The following DOCK5 variants were observed in gnomAD, a reference collection of about 807,000 sequenced individuals.
DOCK5 encodes the protein dedicator of cytokinesis 5.
DOCK5 carries 142 observed loss-of-function variants against 251.8 expected under a neutral mutation model. That is an observed-to-expected ratio of 0.56 (90% CI 0.49 to 0.65). The LOEUF (loss-of-function observed/expected upper bound fraction) is 0.65, where lower values mean the gene tolerates loss of function less well. DOCK5 is among the 30% of genes least tolerant of loss of function. DOCK5 has a pLI of 0.00. For synonymous variants in DOCK5, 842 were observed against 835.5 expected (o/e 1.01, Z -0.13); for missense variants, 2,111 against 2,312.3 (o/e 0.91, Z 1.79).
chr8:25,320,851 C>G (rs1335263872), intron 15 of DOCK5, 129 bp from the exon 16 acceptor site: 2 of 735,574 alleles, frequency 2.7e-6, no homozygotes, highest in Non-Finnish European at 4.5e-6. Context: ...TGAATGAAAC[C>G]TATACCAAAT....
rs570705289 is a variant in DOCK5, at chr8:25,318,432, CT to C, written c.1444-1137del. 3.9e-3 allele frequency among the ~76,000 whole-genome samples: 584 copies of C among 150,586 alleles called. 3 individuals are homozygous for C. Among genetic ancestry groups the C allele is most frequent in the African/African-American group, 0.013 (551 of 41,072 alleles). ...TTTACTTTCTTCTTTCTTTTCTTTTCTTTTTTTTTCTCTGTCTTTCCGCTCC... is the reference window on the plus strand; with the variant it reads ...TTTACTTTCTTCTTTCTTTTCTTTTCTTTTTTTTCTCTGTCTTTCCGCTCC... On this transcript the variant is annotated intron_variant, in intron 14 of 51. Coordinates refer to ENST00000276440, the MANE Select transcript of DOCK5 (RefSeq NM_024940.8).
At chr8:25,355,734 G>A (rs1389824941) in intron 27 of DOCK5, among the ~76,000 whole-genome samples, 1 of 152,092 alleles carries the variant, frequency 6.6e-6, no homozygotes, top group Non-Finnish European at 1.5e-5. Context: ...ACAGGCATGA[G>A]CCACTGCACC....
intron 10 of DOCK5, among the ~76,000 whole-genome samples, chr8:25,303,409 T>C (rs1804819071): frequency 6.6e-6 from 1 of 152,196 alleles, no homozygotes; most frequent in South Asian, 2.1e-4. Flanking sequence ...CTAGGAAATT[T>C]ACTCTTCGAA....
chr8:25,233,888 C>T (rs1326458674), intron 1 of DOCK5, among the ~76,000 whole-genome samples: 1 of 152,124 alleles, frequency 6.6e-6, no homozygotes, highest in Non-Finnish European at 1.5e-5. Flanking sequence ...TTGAACTTCA[C>T]ACACACACCT....
At chr8:25,366,762 T>C (rs1800783226) in intron 30 of DOCK5, 108 bp from the exon 31 acceptor site, 2 of 739,434 alleles carry the variant, frequency 2.7e-6, no homozygotes, top group African/African-American at 3.5e-5. Context: ...ATTTTGTTCT[T>C]TCATTAATCT....
chr8:25,200,916 T>TTCTTC (rs773724448), intron 1 of DOCK5, among the ~76,000 whole-genome samples: 13 of 79,384 alleles, frequency 1.6e-4, no homozygotes, highest in East Asian at 6.0e-4. Context: ...TCTTCTTCTT[T>TTCTTC]TTTTGTTTGA....
chr8:25,254,806 C>CAAAAAAAACACA (rs1803376695), intron 2 of DOCK5, among the ~76,000 whole-genome samples: 1 of 61,224 alleles, frequency 1.6e-5, no homozygotes, highest in Non-Finnish European at 3.2e-5. Flanking sequence ...AAAAAAAAAA[C>CAAAAAAAACACA]ATTTGATAAA....
chr8:25,387,809 A>G (rs1392058645), intron 40 of DOCK5, among the ~76,000 whole-genome samples: 1 of 151,998 alleles, frequency 6.6e-6, no homozygotes, highest in Admixed American at 6.5e-5. Context: ...TATCCCATTC[A>G]TCTGTCTATG....
At chr8:25,305,276 G>C (rs1364536339) in intron 11 of DOCK5, 1 of 136,124 alleles carries the variant, frequency 7.3e-6, no homozygotes, top group African/African-American at 2.9e-5. Context: ...AATTAGTGGA[G>C]AAAGATACAT....
At chr8:25,233,331 G>A (rs921639376) in intron 1 of DOCK5, among the ~76,000 whole-genome samples, 6 of 152,168 alleles carry the variant, frequency 3.9e-5, no homozygotes, top group Non-Finnish European at 2.9e-5. Flanking sequence ...TCCCTGATGG[G>A]TTGCTTCCCT....
chr8:25,279,682 A>G (rs1804138283), intron 5 of DOCK5, among the ~76,000 whole-genome samples: 1 of 151,838 alleles, frequency 6.6e-6, no homozygotes, highest in Non-Finnish European at 1.5e-5. Flanking sequence ...CAGTGACACC[A>G]TCTCAGCTCA....
In DOCK5 at chr8:25,395,635, G is replaced by T; in HGVS notation, c.4620G>T (p.Arg1540=). 1.2e-6 allele frequency: 2 copies of T among 1,613,586 alleles called. No homozygotes were observed. Among genetic ancestry groups the T allele is most frequent in the Non-Finnish European group, 1.7e-6 (2 of 1,179,788 alleles). The change falls in exon 45 of 52, where the codon CGG becomes CGT. Residue 1540 remains arginine, a synonymous_variant. Coordinates refer to ENST00000276440, the MANE Select transcript of DOCK5 (RefSeq NM_024940.8). ...GTGTTCAGCAGCATGCCTGGGACCG[G>T]TCCCTCTCTGTGCACCCTCTCTCCA... ...SNCVQQHAWD[R]SLSVHPLSML...
chr8:25,304,374 C>T, intron 11 of DOCK5, 47 bp downstream of exon 11: 1 of 1,500,242 alleles, frequency 6.7e-7, no homozygotes, highest in Non-Finnish European at 9.0e-7. Flanking sequence ...CCTGGATTAG[C>T]CATTCAATTG....
rs533983722 is a variant in DOCK5, at chr8:25,224,739, C to T, written c.44-18935C>T. The stretch of plus-strand genomic sequence containing the variant: ...TTAGATATAAAAACAGCCAGAAAGG[C>T]AACCCCCATGTGTTTTATAACAAAT... On this transcript the variant is annotated intron_variant, in intron 1 of 51. Coordinates refer to ENST00000276440, the MANE Select transcript of DOCK5 (RefSeq NM_024940.8). Among the ~76,000 whole-genome samples, 51 of 152,266 alleles carry T rather than the reference C, an allele frequency of 3.3e-4. 1 individual carries two copies. Among genetic ancestry groups the T allele is most frequent in the African/African-American group, 1.2e-3 (49 of 41,562 alleles).
intron 36 of DOCK5, among the ~76,000 whole-genome samples, chr8:25,373,913 A>G (rs1368648616): frequency 6.6e-6 from 1 of 152,182 alleles, no homozygotes; most frequent in East Asian, 1.9e-4. Context: ...CTGGGTGGGC[A>G]GGAGAGGCTG....
intron 39 of DOCK5, among the ~76,000 whole-genome samples, chr8:25,381,695 G>A (rs1253338018): frequency 3.9e-5 from 6 of 151,928 alleles, no homozygotes; most frequent in South Asian, 2.1e-4. Flanking sequence ...GTTACATACC[G>A]GTCTAAGAAA....
chr8:25,258,469 T>G (rs992886070), intron 2 of DOCK5, among the ~76,000 whole-genome samples: 9 of 152,182 alleles, frequency 5.9e-5, no homozygotes, highest in Non-Finnish European at 1.2e-4. Context: ...CTGGTTACTG[T>G]GGAGCTAGGA....
intron 7 of DOCK5, among the ~76,000 whole-genome samples, chr8:25,297,383 G>A (rs1450941560): frequency 2.6e-5 from 4 of 151,886 alleles, no homozygotes; most frequent in African/African-American, 9.7e-5. Context: ...TCAGCCTTCC[G>A]AGTAGCTGGG....
intron 5 of DOCK5, among the ~76,000 whole-genome samples, chr8:25,284,709 C>A (rs888058000): frequency 6.6e-6 from 1 of 152,228 alleles, no homozygotes; most frequent in Non-Finnish European, 1.5e-5. Context: ...GACTTAGACA[C>A]GGTCGGATTC....
Sources: gnomAD v4.1 joint callset for allele counts (sites outside exome capture counted in the v4.1 genomes callset) on GRCh38, gnomAD v4.1.1 for gene constraint, MANE v1.5 for transcripts, NCBI Gene and HGNC (gene_info 2026-07-23, HGNC 2026-07-21) for gene names.